DOCK4: variants seen among roughly 807,000 people sequenced by gnomAD.
DOCK4 encodes the protein dedicator of cytokinesis protein 4.
Under a neutral mutation model 268.1 loss-of-function variants are expected in DOCK4, and 97 were observed. That is an observed-to-expected ratio of 0.36 (90% CI 0.31 to 0.43). DOCK4 has a LOEUF of 0.43. Among genes scored for constraint, DOCK4 ranks in the 20% least tolerant of loss-of-function variants. The pLI is 1.00. For synonymous variants in DOCK4, 954 were observed against 887.2 expected, an observed-to-expected ratio of 1.08 and a Z score of -1.34; for missense variants, 2,145 against 2,455.7, an observed-to-expected ratio of 0.87 and a Z score of 2.67.
chr7:112,058,083 G>A (rs1016764506), intron 1 of DOCK4, among the ~76,000 whole-genome samples: 2 of 126,014 alleles, frequency 1.6e-5, no homozygotes, highest in Non-Finnish European at 3.2e-5. Context: ...AGAAGAAACT[G>A]TATGAATGGT....
chr7:111,762,748 TTTTGTTTTGTTTTC>T (rs1173428275), intron 39 of DOCK4, among the ~76,000 whole-genome samples: 2 of 129,400 alleles, frequency 1.5e-5, no homozygotes, highest in Non-Finnish European at 3.2e-5. Flanking sequence ...AAATAACCCA[TTTTGTTTTGTTTTC>T]TTTTTTTTTT....
In DOCK4 at chr7:111,783,783, A is replaced by C. The variant is rs566138644; in HGVS notation, c.3524+74T>G. The C allele has an allele frequency of 4.0e-5, 52 of 1,293,016 alleles. No homozygotes were observed. The South Asian group carries it at 6.4e-4, about 16-fold the overall frequency. 80.1% of individuals were successfully genotyped at this position (1,293,016 alleles called of 1,614,324 possible). ...AGTGATTCACAAGAGTGGAACGTTG[A>C]TTGTATTCTATTTGATTTTCTAACT... On this transcript the variant is annotated intron_variant, in intron 34 of 52. Coordinates refer to ENST00000428084, the MANE Select transcript of DOCK4 (RefSeq NM_001363540.2).
chr7:112,022,898 C>T (rs1023613580), intron 1 of DOCK4, among the ~76,000 whole-genome samples: 3 of 152,148 alleles, frequency 2.0e-5, no homozygotes, highest in African/African-American at 7.2e-5. Flanking sequence ...AGTACCACTT[C>T]AATCAAAGAG....
intron 23 of DOCK4, among the ~76,000 whole-genome samples, chr7:111,862,157 G>T (rs989897306): frequency 2.6e-5 from 4 of 151,854 alleles, no homozygotes; most frequent in Admixed American, 2.0e-4. Context: ...AAATTAGCTG[G>T]GTGTGGTGGT....
rs570004826 is a variant in DOCK4, at chr7:112,040,084, C to A, written c.38-35953G>T. 7.9e-5 allele frequency among the ~76,000 whole-genome samples: 12 copies of A among 152,152 alleles called. No homozygotes were observed. In the South Asian group the frequency reaches 2.1e-3, roughly 26 times the overall value. On this transcript the variant is annotated intron_variant, in intron 1 of 52. Transcript: ENST00000428084. ...AGACTCTCTCTATATGTATACTGAC[C>A]CAATTTTAAGTGAGGTCAAAATGCT... is the stretch of plus-strand genomic sequence containing the variant.
At chr7:112,201,671 G>T (rs933609024) in intron 1 of DOCK4, among the ~76,000 whole-genome samples, 2 of 151,548 alleles carry the variant, frequency 1.3e-5, no homozygotes, top group East Asian at 3.9e-4. Context: ...GGGGAGGAAT[G>T]GGGGGGTGTG....
intron 12 of DOCK4, among the ~76,000 whole-genome samples, chr7:111,922,791 C>T (rs1475092580): frequency 2.0e-5 from 3 of 152,062 alleles, no homozygotes; most frequent in Non-Finnish European, 4.4e-5. Flanking sequence ...CCGTGTTAGC[C>T]AGTATGGTCT....
chr7:112,133,577 C>T (rs967814281), intron 1 of DOCK4, among the ~76,000 whole-genome samples: 2 of 151,940 alleles, frequency 1.3e-5, no homozygotes, highest in South Asian at 2.1e-4. Flanking sequence ...CTAAAATAGC[C>T]GGGCATGGTG....
chr7:111,750,306 C>CA (rs1796545164), intron 42 of DOCK4, among the ~76,000 whole-genome samples: 1 of 152,136 alleles, frequency 6.6e-6, no homozygotes, highest in Non-Finnish European at 1.5e-5. Flanking sequence ...ATTGAACCTT[C>CA]AAGTAAACAG....
intron 23 of DOCK4, among the ~76,000 whole-genome samples, chr7:111,857,498 C>A (rs1006825231): frequency 1.3e-5 from 2 of 152,146 alleles, no homozygotes; most frequent in African/African-American, 2.4e-5. Flanking sequence ...GCCTTTAGGT[C>A]TTTATATTTA....
chr7:111,783,909 C>A lies in DOCK4; in HGVS notation c.3472G>T (p.Val1158Phe). Residue 1158 changes from valine (V) to phenylalanine (F), a missense_variant, in exon 34 of 53, where the codon GTT (valine) becomes TTT (phenylalanine). Transcript: ENST00000428084. ...CGAGTTACAGTAGCAATTAATGAAACGCCACTTTCCCGCCATGTTTCCCGC... is the reference window on the plus strand; with the variant it reads ...CGAGTTACAGTAGCAATTAATGAAAAGCCACTTTCCCGCCATGTTTCCCGC... ...IERETWRESG[V>F]SLIATVTRLM... 1 of 1,605,644 alleles carries A rather than the reference C, an allele frequency of 6.2e-7. No individual in the cohort carries two copies. The highest frequency in any genetic ancestry group is 8.5e-7 in the Non-Finnish European group (1 of 1,175,708).
chr7:112,039,189 TC>T (rs944433436), intron 1 of DOCK4, among the ~76,000 whole-genome samples: 82 of 152,296 alleles, frequency 5.4e-4, no homozygotes, highest in African/African-American at 1.9e-3. Context: ...TCAGATGCAT[TC>T]CACTCTTAAG....
intron 26 of DOCK4, among the ~76,000 whole-genome samples, chr7:111,831,947 C>CA (rs531665953): frequency 7.0e-4 from 107 of 152,270 alleles, no homozygotes; most frequent in Non-Finnish European, 1.2e-3. Context: ...AAATGATCAA[C>CA]AACTATTTCT....
chr7:111,799,610 T>A (rs1244766076), intron 30 of DOCK4, among the ~76,000 whole-genome samples: 3 of 152,136 alleles, frequency 2.0e-5, no homozygotes, highest in African/African-American at 7.2e-5. Context: ...AGGAATGTCC[T>A]AAACATAAAT....
chr7:111,909,487 C>T (rs996572978), intron 13 of DOCK4, among the ~76,000 whole-genome samples: 1 of 152,206 alleles, frequency 6.6e-6, no homozygotes, highest in African/African-American at 2.4e-5. Flanking sequence ...TTGTTTATTG[C>T]AGCACTATTT....
At chr7:112,145,567 C>T (rs754404405) in intron 1 of DOCK4, among the ~76,000 whole-genome samples, 3 of 152,176 alleles carry the variant, frequency 2.0e-5, no homozygotes, top group East Asian at 1.9e-4. Context: ...AAATTCCAAA[C>T]GGACATACCA....
chr7:111,994,708 A>G (rs1395180122), intron 4 of DOCK4, among the ~76,000 whole-genome samples: 3 of 152,184 alleles, frequency 2.0e-5, no homozygotes, highest in Non-Finnish European at 2.9e-5. Context: ...AAGTAACTAG[A>G]CACTGAGATA....
chr7:111,737,665 C>T (rs1469173566), intron 49 of DOCK4, among the ~76,000 whole-genome samples: 1 of 152,100 alleles, frequency 6.6e-6, no homozygotes, highest in Admixed American at 6.5e-5. Context: ...GGTACCAAGT[C>T]CTTAAAAGTA....
chr7:111,797,085 C>A (rs1799947122), intron 30 of DOCK4, among the ~76,000 whole-genome samples: 1 of 152,158 alleles, frequency 6.6e-6, no homozygotes, highest in African/African-American at 2.4e-5. Context: ...TCAGTTTACA[C>A]CCCTCTGAAG....
Sources: allele counts gnomAD v4.1 joint callset (sites outside exome capture counted in the v4.1 genomes callset), GRCh38; gene constraint gnomAD v4.1.1; transcripts MANE v1.5; gene names NCBI Gene and HGNC (gene_info 2026-07-23, HGNC 2026-07-21).